Variants in PIK3R5 observed in about 807,000 individuals in gnomAD.
PIK3R5 encodes phosphoinositide 3-kinase regulatory subunit 5.
A neutral mutation model predicts 94.9 loss-of-function variants in PIK3R5; 32 were observed. The observed-to-expected ratio is 0.34, with a 90% CI of 0.25 to 0.45. The LOEUF is 0.45. Among genes scored for constraint, PIK3R5 ranks in the 20% least tolerant of loss-of-function variants. The probability of loss-of-function intolerance (pLI) is 1.00; values close to 1 mark genes in which losing one functional copy is unlikely to be tolerated. For missense variants in PIK3R5, 853 were observed against 1,144.6 expected (o/e 0.75, Z 3.68); for synonymous variants, 443 against 479.4 (o/e 0.92, Z 0.99).
At chr17:8,933,038 C>T (rs1187015354) in intron 1 of PIK3R5, among the ~76,000 whole-genome samples, 1 of 152,084 alleles carries the variant, frequency 6.6e-6, no homozygotes, top group East Asian at 1.9e-4. Context: ...AGAAAAACTA[C>T]TGACTTCTTA....
rs1320647898 is a variant in PIK3R5, at chr17:8,925,318, ATAG to A, written c.-13-13814_-13-13812del. 2.6e-5 allele frequency among the ~76,000 whole-genome samples: 4 copies of A among 151,984 alleles called. No individual in the cohort carries two copies. The highest frequency in any genetic ancestry group is 4.8e-5 in the African/African-American group (2 of 41,282). ...AGATAGATAGATAGTAGATGGATAG[ATAG>A]TAGATGGATAGACAGTAGATTGATA... On this transcript the variant is annotated intron_variant, in intron 1 of 18. Transcript: ENST00000447110. The surrounding 1 kb of genome is among the most constrained non-coding windows in gnomAD (Gnocchi z 5.1).
In PIK3R5 at chr17:8,935,842, C is replaced by T. The variant is rs2091064869; in HGVS notation, c.-13-24335G>A. On this transcript the variant is annotated intron_variant, in intron 1 of 18. Coordinates refer to ENST00000447110, the MANE Select transcript of PIK3R5 (RefSeq NM_001142633.3). The surrounding 1 kb of genome is among the most constrained non-coding windows in gnomAD (Gnocchi z 4.5). ...GGCTGAGGCGGGCGGATCACGAGGT[C>T]AGGAGATCGAGACTATACTGGCTAA... 6.6e-6 allele frequency among the ~76,000 whole-genome samples: 1 copy of T among 152,064 alleles called. No individual in the cohort carries two copies. Among genetic ancestry groups the T allele is most frequent in the African/African-American group, 2.4e-5 (1 of 41,398 alleles).
chr17:8,921,392 A>C (rs887595135), intron 1 of PIK3R5, among the ~76,000 whole-genome samples: 2 of 152,152 alleles, frequency 1.3e-5, no homozygotes, highest in African/African-American at 4.8e-5. Flanking sequence ...CTGAGACTTT[A>C]CATGTCATAT....
chr17:8,884,975 GAC>G lies in PIK3R5; in HGVS notation c.2129-194_2129-193del. On this transcript the variant is annotated intron_variant, in intron 14 of 18. Transcript: ENST00000447110. This position sits in a 1 kb window ranked among gnomAD's most constrained non-coding sequence, Gnocchi z 5.8. Reference sequence around the variant, plus strand: ...TTCTGGGGATCTCCACCTCCTCAGTGACCCCATCACTCCAGGGCCCATCTCCG... The same window carrying G: ...TTCTGGGGATCTCCACCTCCTCAGTGCCCATCACTCCAGGGCCCATCTCCG... 1.7e-6 allele frequency: 1 copy of G among 598,082 alleles called. No homozygotes were observed. The allele number at this position is 598,082 out of a possible 1,614,324, so 37.0% of individuals were successfully genotyped here.
At chr17:8,922,995 G>A (rs1451597769) in intron 1 of PIK3R5, among the ~76,000 whole-genome samples, 1 of 152,138 alleles carries the variant, frequency 6.6e-6, no homozygotes, top group African/African-American at 2.4e-5. Flanking sequence ...AGGAATGCCT[G>A]GGAAGACCAC....
At chr17:8,910,402 G>A (rs1034786456) in intron 2 of PIK3R5, among the ~76,000 whole-genome samples, 2 of 152,296 alleles carry the variant, frequency 1.3e-5, no homozygotes, top group Non-Finnish European at 1.5e-5. Flanking sequence ...CTGGGTAGCA[G>A]GCAAGAAAGA....
chr17:8,927,289 G>A (rs1165950098), intron 1 of PIK3R5, among the ~76,000 whole-genome samples: 6 of 152,208 alleles, frequency 3.9e-5, no homozygotes, highest in Non-Finnish European at 8.8e-5. Flanking sequence ...AACTCCACAG[G>A]GAAAATTGTG....
At chr17:8,923,123 A>T (rs1035674968) in intron 1 of PIK3R5, among the ~76,000 whole-genome samples, 1 of 152,106 alleles carries the variant, frequency 6.6e-6, no homozygotes, top group Non-Finnish European at 1.5e-5. Context: ...CTTGAAGCAC[A>T]TGATCTCATT....
Position 8,888,872 on chromosome 17 carries a change from C to T in PIK3R5, c.915G>A (p.Leu305=). ...QDSFDILQEI[L]LKEQELLQPG... is the part of the protein sequence containing the mutation. ...GCTGGAGTAGCTCCTGTTCCTTGAG[C>T]AGGATTTCCTGCAGGATGTCTGCAG... Residue 305 remains leucine, a synonymous_variant, in exon 10 of 19, where the codon CTG becomes CTA. Coordinates refer to ENST00000447110, the MANE Select transcript of PIK3R5 (RefSeq NM_001142633.3). This position sits in a 1 kb window ranked among gnomAD's most constrained non-coding sequence, Gnocchi z 7.8. 1 of 1,600,290 alleles carries T rather than the reference C, an allele frequency of 6.2e-7. No homozygotes were observed. Among genetic ancestry groups the T allele is most frequent in the Non-Finnish European group, 8.5e-7 (1 of 1,177,308 alleles).
chr17:8,900,750 C>T (rs444904), intron 5 of PIK3R5, among the ~76,000 whole-genome samples: 23,936 of 152,114 alleles, frequency 0.16, 2,236 homozygotes, highest in African/African-American at 0.25. Context: ...GCCTCACCAC[C>T]GCCAGCACCT....
chr17:8,888,725 G>A lies in PIK3R5; in HGVS notation c.1062C>T (p.Ser354=). ...ATGCAAGGGACAAGGTGGAGTCATG[G>A]GACGCCAAAGAGCTGGTGGAGAGCA... The part of the protein sequence containing the change: ...DSLLSTSSLA[S]HDSTLSLASS... Residue 354 remains serine, a synonymous_variant, in exon 10 of 19, where the codon TCC becomes TCT. Transcript: ENST00000447110. This position sits in a 1 kb window ranked among gnomAD's most constrained non-coding sequence, Gnocchi z 7.8. 6.2e-7 allele frequency: 1 copy of A among 1,613,776 alleles called. No homozygotes were observed. Among genetic ancestry groups the A allele is most frequent in the Non-Finnish European group, 8.5e-7 (1 of 1,180,004 alleles).
At chr17:8,936,316 T>C (rs1247651282) in intron 1 of PIK3R5, among the ~76,000 whole-genome samples, 1 of 152,196 alleles carries the variant, frequency 6.6e-6, no homozygotes, top group Non-Finnish European at 1.5e-5. Flanking sequence ...CTTTGTGTTG[T>C]ACAATTCTAT....
rs539216108 is a variant in PIK3R5, at chr17:8,887,955, C to A, written c.1616+216G>T. On this transcript the variant is annotated intron_variant, in intron 10 of 18. Transcript: ENST00000447110. The stretch of plus-strand genomic sequence containing the variant: ...GCCAGAGGTTGCAGTGAGCCGAGAT[C>A]ATGCCACTGCACTCCAGCCCGGGCA... Among the ~76,000 whole-genome samples, 10 of 149,884 alleles carry A rather than the reference C, an allele frequency of 6.7e-5. No homozygotes were observed. The East Asian group carries it at 1.9e-3, about 29-fold the overall frequency.
chr17:8,928,061 A>G (rs967664396), intron 1 of PIK3R5, among the ~76,000 whole-genome samples: 10 of 152,182 alleles, frequency 6.6e-5, no homozygotes, highest in Non-Finnish European at 7.4e-5. Context: ...AACCTCTTTT[A>G]TTTATAAATG....
intron 1 of PIK3R5, among the ~76,000 whole-genome samples, chr17:8,933,265 A>AT (rs2091017656): frequency 6.6e-6 from 1 of 152,134 alleles, no homozygotes; most frequent in South Asian, 2.1e-4. Flanking sequence ...GTACAGTTAA[A>AT]TTTTTTACAT....
intron 5 of PIK3R5, among the ~76,000 whole-genome samples, chr17:8,895,256 C>G (rs149874301): frequency 6.6e-6 from 1 of 152,156 alleles, no homozygotes; most frequent in Non-Finnish European, 1.5e-5. Flanking sequence ...CACATAGATA[C>G]GCAAAATCTT....
chr17:8,886,181 C>T (rs1201284257), intron 14 of PIK3R5, 48 bp downstream of exon 14: 2 of 1,436,360 alleles, frequency 1.4e-6, no homozygotes, highest in South Asian at 1.1e-5. Flanking sequence ...CCACGTTTCG[C>T]GTCCCAGGCC....
chr17:8,952,646 G>A lies in PIK3R5; in HGVS notation c.-14+12950C>T, dbSNP rs552804062. ...GAGTAATATTTTTATAAATGAATTA[G>A]GGGTAATCTCTTACTGGTCAATAAA... On this transcript the variant is annotated intron_variant, in intron 1 of 18. Transcript: ENST00000447110. Among the ~76,000 whole-genome samples the A allele has an allele frequency of 1.4e-4, 22 of 152,310 alleles. 1 individual carries two copies. The highest frequency in any genetic ancestry group is 5.1e-4 in the African/African-American group (21 of 41,564).
intron 18 of PIK3R5, 32 bp from the exon 19 acceptor site, chr17:8,880,818 G>C: frequency 6.2e-7 from 1 of 1,612,946 alleles, no homozygotes; most frequent in Non-Finnish European, 8.5e-7. Context: ...AGGGATCAGA[G>C]CAGGCCCCCA....
Sources: gnomAD v4.1 joint callset for allele counts (sites outside exome capture counted in the v4.1 genomes callset) on GRCh38, gnomAD v4.1.1 for gene constraint, Gnocchi (gnomAD v3.1) non-coding constraint, MANE v1.5 for transcripts, NCBI Gene and HGNC (gene_info 2026-07-23, HGNC 2026-07-21) for gene names.